Variants in NHLRC2 observed in about 807,000 individuals in gnomAD.
NHLRC2 encodes the protein NHL repeat-containing protein 2.
A neutral mutation model predicts 68.1 loss-of-function variants in NHLRC2; 33 were observed. The ratio of observed to expected loss-of-function variants is 0.48; its 90% CI spans 0.37 to 0.65. NHLRC2 has a LOEUF of 0.65. Among genes scored for constraint, NHLRC2 ranks in the 30% least tolerant of loss-of-function variants. The probability of loss-of-function intolerance (pLI) is 0.00; values close to 1 mark genes in which losing one functional copy is unlikely to be tolerated. For missense variants in NHLRC2, 761 were observed against 853.8 expected (o/e 0.89, Z 1.35); for synonymous variants, 311 against 309.6 (o/e 1.00, Z -0.05).
chr10:113,877,083 G>GTTTTT, intron 3 of NHLRC2, 107 bp downstream of exon 3: 2 of 660,856 alleles, frequency 3.0e-6, no homozygotes, highest in Non-Finnish European at 4.8e-6. Flanking sequence ...TTATAGAAAA[G>GTTTTT]TGATATACAT....
chr10:113,884,150 A>G lies in NHLRC2; in HGVS notation c.910-101A>G, dbSNP rs190062837. On this transcript the variant is annotated intron_variant, in intron 4 of 10. Transcript: ENST00000369301. ...CATAATAAAACTTTGTACTGCACAT[A>G]CACTCTAAATGTTCTATTGACTATT... The G allele has an allele frequency of 4.8e-6, 5 of 1,043,014 alleles. No individual in the cohort carries two copies. In the Admixed American group the frequency reaches 9.0e-5, roughly 19 times the overall value. 64.6% of individuals were successfully genotyped at this position (1,043,014 alleles called of 1,614,324 possible).
chr10:113,906,298 A>G (rs1433959379), intron 10 of NHLRC2, among the ~76,000 whole-genome samples: 1 of 152,210 alleles, frequency 6.6e-6, no homozygotes, highest in African/African-American at 2.4e-5. Context: ...CAAATAAAGT[A>G]GTCTATAGAG....
chr10:113,859,290 A>T (rs1335130699), intron 2 of NHLRC2, among the ~76,000 whole-genome samples: 1 of 151,974 alleles, frequency 6.6e-6, no homozygotes, highest in Non-Finnish European at 1.5e-5. Context: ...AATTAATCAA[A>T]TTTTTTTTGT....
intron 10 of NHLRC2, among the ~76,000 whole-genome samples, chr10:113,907,544 A>C (rs575864318): frequency 3.3e-5 from 5 of 152,328 alleles, no homozygotes; most frequent in African/African-American, 7.2e-5. Flanking sequence ...TTCTAAGAGA[A>C]AGTCGAGATG....
At position 113,912,067 on chromosome 10, in the gene NHLRC2, G is replaced by T. The variant is rs1176897133; in HGVS notation, c.*3531G>T. The T allele has an allele frequency of 6.6e-6, 1 of 152,110 alleles. No individual in the cohort carries two copies. Among genetic ancestry groups the T allele is most frequent in the Non-Finnish European group, 1.5e-5 (1 of 68,018 alleles). The allele number at this position is 152,110 out of a possible 1,614,324, so 9.4% of individuals were successfully genotyped here. ...GATCTACCGGTTCTCTTAAGTACGT[G>T]ATTTCGTGAAGATAGCAATGGTTAT... On this transcript the variant is annotated 3_prime_UTR_variant, in exon 11 of 11. Transcript: ENST00000369301.
chr10:113,898,082 A>G, intron 5 of NHLRC2, 28 bp from the exon 6 acceptor site: 1 of 1,359,984 alleles, frequency 7.4e-7, no homozygotes, highest in Non-Finnish European at 1.0e-6. Context: ...AGATATGTAT[A>G]TAATAATAAT....
intron 2 of NHLRC2, among the ~76,000 whole-genome samples, chr10:113,865,289 C>CG (rs1319140862): frequency 4.3e-5 from 6 of 139,846 alleles, no homozygotes; most frequent in African/African-American, 1.6e-4. Context: ...CATCCCCCCC[C>CG]CCCGTTCCTC....
At chr10:113,863,513 G>T (rs1845835532) in intron 2 of NHLRC2, among the ~76,000 whole-genome samples, 1 of 151,874 alleles carries the variant, frequency 6.6e-6, no homozygotes, top group Non-Finnish European at 1.5e-5. Context: ...TAAAAAACAA[G>T]AAATAACTTA....
At chr10:113,855,603 G>T (rs1374626466) in intron 1 of NHLRC2, among the ~76,000 whole-genome samples, 1 of 152,100 alleles carries the variant, frequency 6.6e-6, no homozygotes, top group African/African-American at 2.4e-5. Flanking sequence ...GAGTAGCTGG[G>T]ACTACAGGCC....
Position 113,912,863 on chromosome 10 carries a change from C to T in NHLRC2, c.*4327C>T, listed in dbSNP as rs1390060786. On this transcript the variant is annotated 3_prime_UTR_variant, in exon 11 of 11. Transcript: ENST00000369301. ...CAAACAAGGGGAAGTAGTGGTGGAG[C>T]CTTTATTCAGGCACGGGTCTCCTCA... The T allele has an allele frequency of 6.6e-6, 1 of 152,160 alleles. No individual in the cohort carries two copies. Among genetic ancestry groups the T allele is most frequent in the Admixed American group, 6.5e-5 (1 of 15,278 alleles). 9.4% of individuals were successfully genotyped at this position (152,160 alleles called of 1,614,324 possible). A position where few individuals can be genotyped will look rare whatever the true frequency, so the allele number is the denominator to read the frequency against.
intron 10 of NHLRC2, among the ~76,000 whole-genome samples, chr10:113,907,322 A>G (rs1846285685): frequency 6.6e-6 from 1 of 152,248 alleles, no homozygotes; most frequent in Non-Finnish European, 1.5e-5. Flanking sequence ...AGAAAGAGAC[A>G]GAAAAGCTAA....
chr10:113,861,085 CGAA>C (rs1211344870), intron 2 of NHLRC2, among the ~76,000 whole-genome samples: 2 of 151,888 alleles, frequency 1.3e-5, no homozygotes, highest in African/African-American at 2.4e-5. Flanking sequence ...TGTAGAGACT[CGAA>C]GACAGATTTG....
At chr10:113,867,424 T>C (rs1242475063) in intron 2 of NHLRC2, among the ~76,000 whole-genome samples, 1 of 152,264 alleles carries the variant, frequency 6.6e-6, no homozygotes, top group Non-Finnish European at 1.5e-5. Context: ...CAGTGTTTGA[T>C]TGGCTTTCAA....
At chr10:113,866,347 C>T (rs1187300492) in intron 2 of NHLRC2, among the ~76,000 whole-genome samples, 1 of 152,064 alleles carries the variant, frequency 6.6e-6, no homozygotes, top group Non-Finnish European at 1.5e-5. Flanking sequence ...GATATTTTAC[C>T]ATTTTCTACT....
intron 6 of NHLRC2, 35 bp from the exon 7 acceptor site, chr10:113,901,631 C>T: frequency 7.7e-7 from 1 of 1,297,506 alleles, no homozygotes. Flanking sequence ...CAATATACCA[C>T]ATGTTGACTC....
In NHLRC2 at chr10:113,908,938, C is replaced by A; in HGVS notation, c.*402C>A. The A allele has an allele frequency of 6.0e-6, 1 of 166,802 alleles. No individual in the cohort carries two copies. Among genetic ancestry groups the A allele is most frequent in the Non-Finnish European group, 1.3e-5 (1 of 76,532 alleles). 10.3% of individuals were successfully genotyped at this position (166,802 alleles called of 1,614,324 possible). A position where few individuals can be genotyped will look rare whatever the true frequency, so the allele number is the denominator to read the frequency against. On this transcript the variant is annotated 3_prime_UTR_variant, in exon 11 of 11. Transcript: ENST00000369301. ...TCAGCACACTTGAATGTGTAAATTTCACAGTAACTTTAGGCAGAACTTAAG... is the reference window on the plus strand; with the variant it reads ...TCAGCACACTTGAATGTGTAAATTTAACAGTAACTTTAGGCAGAACTTAAG...
Position 113,915,375 on chromosome 10 carries a change from C to G in NHLRC2, c.*6839C>G. 1 of 377,086 alleles carries G rather than the reference C, an allele frequency of 2.7e-6. No homozygotes were observed. The highest frequency in any genetic ancestry group is 7.2e-5 in the East Asian group (1 of 13,816). The allele number at this position is 377,086 out of a possible 1,614,324, so 23.4% of individuals were successfully genotyped here. A position where few individuals can be genotyped will look rare whatever the true frequency, so the allele number is the denominator to read the frequency against. On this transcript the variant is annotated 3_prime_UTR_variant, in exon 11 of 11. Transcript: ENST00000369301. Reference sequence around the variant, plus strand: ...GTCAGGGCATGGTATGAATTCCTTCCTCTTTAAGCAGCAACTTACCACAGG... The same window carrying G: ...GTCAGGGCATGGTATGAATTCCTTCGTCTTTAAGCAGCAACTTACCACAGG...
chr10:113,898,084 A>G, intron 5 of NHLRC2, 26 bp from the exon 6 acceptor site: 1 of 1,387,128 alleles, frequency 7.2e-7, no homozygotes, highest in Non-Finnish European at 1.0e-6. Context: ...ATATGTATAT[A>G]ATAATAATGA....
At chr10:113,905,177 C>T in intron 10 of NHLRC2, 141 bp downstream of exon 10, 1 of 449,386 alleles carries the variant, frequency 2.2e-6, no homozygotes, top group Non-Finnish European at 3.9e-6. Context: ...CAGATCCAAC[C>T]CCACATTGGC....
Sources: gnomAD v4.1 joint callset for allele counts (sites outside exome capture counted in the v4.1 genomes callset) on GRCh38, gnomAD v4.1.1 for gene constraint, MANE v1.5 for transcripts, NCBI Gene and HGNC (gene_info 2026-07-23, HGNC 2026-07-21) for gene names.